The following NBEA variants were observed in gnomAD, a reference collection of about 807,000 sequenced individuals.
NBEA encodes the protein lysosomal-trafficking regulator 2.
Under a neutral mutation model 343.4 loss-of-function variants are expected in NBEA, and 44 were observed. The observed-to-expected ratio is 0.13, with a 90% CI of 0.10 to 0.16. The LOEUF is 0.16. Among genes scored for constraint, NBEA ranks in the 10% least tolerant of loss-of-function variants. The pLI, the probability that NBEA is intolerant of heterozygous loss-of-function variation, is 1.00. For missense variants in NBEA, 2,555 were observed against 3,631.3 expected, an observed-to-expected ratio of 0.70 and a Z score of 7.62; for synonymous variants, 1,175 against 1,238.7, an observed-to-expected ratio of 0.95 and a Z score of 1.08.
intron 1 of NBEA, among the ~76,000 whole-genome samples, chr13:34,994,042 A>G (rs1171374027): frequency 1.3e-5 from 2 of 151,714 alleles, no homozygotes; most frequent in Non-Finnish European, 2.9e-5. Context: ...TACTAAAAAT[A>G]CAAGAATTAG....
chr13:35,563,207 C>T (rs2079967034), intron 44 of NBEA, among the ~76,000 whole-genome samples: 1 of 151,612 alleles, frequency 6.6e-6, no homozygotes, highest in South Asian at 2.1e-4. Flanking sequence ...TATATATTTA[C>T]TTACCACTGC....
At chr13:35,071,064 C>T in intron 10 of NBEA, 1 of 365,406 alleles carries the variant, frequency 2.7e-6, no homozygotes, top group Non-Finnish European at 4.7e-6. Context: ...GGAATGCCTT[C>T]CTTGATAATA....
chr13:35,334,101 G>GT (rs2039097742), intron 36 of NBEA, among the ~76,000 whole-genome samples: 1 of 151,898 alleles, frequency 6.6e-6, no homozygotes, highest in Non-Finnish European at 1.5e-5. Flanking sequence ...TATATTTTTA[G>GT]TTTTTTGAGG....
At chr13:35,264,165 GA>G (rs964095857) in intron 34 of NBEA, among the ~76,000 whole-genome samples, 32 of 145,504 alleles carry the variant, frequency 2.2e-4, no homozygotes, top group Middle Eastern at 7.0e-3. Context: ...TAGAAGAAAT[GA>G]AAAAAAAAAT....
chr13:35,557,134 A>G (rs956034196), intron 44 of NBEA, among the ~76,000 whole-genome samples: 1 of 152,156 alleles, frequency 6.6e-6, no homozygotes, highest in Non-Finnish European at 1.5e-5. Context: ...TGTAGCAGGC[A>G]TTCATATTAA....
At position 35,582,258 on chromosome 13, in the gene NBEA, C is replaced by G. The variant is rs954957121; in HGVS notation, c.7036-1640C>G. Among the ~76,000 whole-genome samples the G allele has an allele frequency of 3.3e-5, 5 of 152,006 alleles. No homozygotes were observed. The East Asian group carries it at 7.7e-4, about 24-fold the overall frequency. ...CCCAGATCGCGCCACTGCACTCCAG[C>G]CTAGGCAACAGTGCGAGACTCCATC... On this transcript the variant is annotated intron_variant, in intron 45 of 58. Transcript: ENST00000379939.
In NBEA at chr13:34,943,128, G is replaced by T; in HGVS notation, c.294+14G>T. ...GTGCTCAACCTGGTAAGGAAAAGGC[G>T]TGCTCTCAATCTGCTTCCCCAGTCC... is the stretch of plus-strand genomic sequence containing the variant. On this transcript the variant is annotated intron_variant, in intron 1 of 58. Transcript: ENST00000379939. 6.2e-7 allele frequency: 1 copy of T among 1,612,460 alleles called. No homozygotes were observed. The highest frequency in any genetic ancestry group is 1.1e-5 in the South Asian group (1 of 91,052).
intron 1 of NBEA, among the ~76,000 whole-genome samples, chr13:35,027,104 T>C (rs901034853): frequency 5.3e-5 from 8 of 152,108 alleles, no homozygotes; most frequent in Non-Finnish European, 1.0e-4. Flanking sequence ...TGCTGAGTAG[T>C]ATTCCATGGT....
chr13:35,505,783 GTTCT>G (rs1299334170), intron 41 of NBEA, among the ~76,000 whole-genome samples: 1 of 152,092 alleles, frequency 6.6e-6, no homozygotes, highest in African/African-American at 2.4e-5. Flanking sequence ...CATTTTAAAA[GTTCT>G]TTGTGTTTTA....
rs776965481 is a variant in NBEA at position 35,352,323 on chromosome 13, G to A, written c.6179G>A (p.Ser2060Asn). Reference sequence around the variant, plus strand: ...GGTGCTTGGGGAGCAGTTTCTCATAGGTGAGTTATAATAAATTCGAGTAAA... The same window carrying A: ...GGTGCTTGGGGAGCAGTTTCTCATAAGTGAGTTATAATAAATTCGAGTAAA... ...KHGAWGAVSH[S>N]QLHDFWRLDY... Residue 2060 changes from serine (S) to asparagine (N), a missense_variant and splice_region_variant, in exon 38 of 59, where the codon AGC (serine) becomes AAC (asparagine). Ser to Asn is a conservative substitution (Grantham distance 46, BLOSUM62 1). Around this residue, in one of 21 missense-constraint regions of NBEA, gnomAD observed 246 missense variants for 313.7 expected, o/e 0.78. Transcript: ENST00000379939. The A allele has an allele frequency of 6.9e-7, 1 of 1,443,224 alleles. No individual in the cohort carries two copies. The highest frequency in any genetic ancestry group is 1.7e-5 in the South Asian group (1 of 60,124). The allele number at this position is 1,443,224 out of a possible 1,614,324, so 89.4% of individuals were successfully genotyped here.
chr13:35,546,479 GAT>G (rs2079064163), intron 41 of NBEA, among the ~76,000 whole-genome samples: 1 of 151,504 alleles, frequency 6.6e-6, no homozygotes, highest in African/African-American at 2.4e-5. Context: ...AAAAAAAAGA[GAT>G]AGAGTTACAT....
chr13:35,201,521 G>T (rs758815042), intron 31 of NBEA, among the ~76,000 whole-genome samples: 28 of 152,018 alleles, frequency 1.8e-4, no homozygotes, highest in South Asian at 4.1e-4. Context: ...TTTCTTTCAA[G>T]ATACATATTT....
intron 10 of NBEA, among the ~76,000 whole-genome samples, chr13:35,085,168 G>C (rs1246408618): frequency 1.3e-5 from 2 of 152,116 alleles, no homozygotes. Context: ...GGAGGAGCTG[G>C]TACCATTCCT....
At chr13:35,620,070 AAAC>A (rs2082913281) in intron 48 of NBEA, among the ~76,000 whole-genome samples, 1 of 152,108 alleles carries the variant, frequency 6.6e-6, no homozygotes, top group Non-Finnish European at 1.5e-5. Context: ...ACAGACAAAT[AAAC>A]AAACAGTCCC....
chr13:35,624,940 T>G (rs2153063434), intron 48 of NBEA, among the ~76,000 whole-genome samples: 1 of 152,234 alleles, frequency 6.6e-6, no homozygotes, highest in East Asian at 1.9e-4. Context: ...AATATATATT[T>G]ACACAGTAAA....
At chr13:35,103,344 C>CCAA (rs1445750019) in intron 11 of NBEA, among the ~76,000 whole-genome samples, 3 of 151,362 alleles carry the variant, frequency 2.0e-5, no homozygotes, top group Non-Finnish European at 4.4e-5. Context: ...CTTATTTGAC[C>CCAA]TGTGAATATT....
chr13:35,133,963 CA>C (rs2067575462), intron 17 of NBEA, among the ~76,000 whole-genome samples: 1 of 150,942 alleles, frequency 6.6e-6, no homozygotes, highest in South Asian at 2.1e-4. Flanking sequence ...GTATAGCAAA[CA>C]AAAGTAAAGC....
At chr13:35,646,225 A>G (rs775145493) in intron 50 of NBEA, 34 bp from the exon 51 acceptor site, 7 of 1,493,530 alleles carry the variant, frequency 4.7e-6, no homozygotes, top group Admixed American at 1.7e-5. Flanking sequence ...TTTGATGCAT[A>G]TTGATTATGA....
chr13:35,482,798 C>T (rs961837458), intron 41 of NBEA, among the ~76,000 whole-genome samples: 3 of 151,800 alleles, frequency 2.0e-5, no homozygotes, highest in Admixed American at 1.3e-4. Flanking sequence ...TTGTGCCATT[C>T]TATGAATTCT....
Sources: allele counts gnomAD v4.1 joint callset (sites outside exome capture counted in the v4.1 genomes callset), GRCh38; gene constraint gnomAD v4.1.1; regional missense constraint gnomAD v4.1.1; transcripts MANE v1.5; gene names NCBI Gene and HGNC (gene_info 2026-07-23, HGNC 2026-07-21).